The following USP47 variants were observed in gnomAD, a reference collection of about 807,000 sequenced individuals.
USP47 encodes ubiquitin specific peptidase 47.
A neutral mutation model predicts 165.1 loss-of-function variants in USP47; 35 were observed. That is an observed-to-expected ratio of 0.21 (90% CI 0.16 to 0.28). USP47 has a LOEUF of 0.28. Ranked by LOEUF, USP47 falls within the 10% of genes least tolerant of loss-of-function variation. The pLI, the probability that USP47 is intolerant of heterozygous loss-of-function variation, is 1.00. For synonymous variants in USP47, 531 were observed against 544.5 expected (o/e 0.98, Z 0.35); for missense variants, 1,277 against 1,607.4 (o/e 0.79, Z 3.52).
chr11:11,885,860 C>G (rs901965069), intron 3 of USP47, among the ~76,000 whole-genome samples: 3 of 152,134 alleles, frequency 2.0e-5, no homozygotes. Context: ...TCAGGACCCC[C>G]TGGGACAGAG....
chr11:11,881,518 T>C (rs1339278579), intron 2 of USP47, among the ~76,000 whole-genome samples: 1 of 152,152 alleles, frequency 6.6e-6, no homozygotes. Flanking sequence ...AGTCTTCTCT[T>C]ATAGGATCTT....
At chr11:11,879,921 G>A (rs1400532039) in intron 1 of USP47, among the ~76,000 whole-genome samples, 1 of 151,990 alleles carries the variant, frequency 6.6e-6, no homozygotes, top group East Asian at 1.9e-4. Flanking sequence ...AAAGGTGAAA[G>A]CAAATATCTC....
intron 4 of USP47, among the ~76,000 whole-genome samples, chr11:11,895,127 A>G (rs1428071548): frequency 6.6e-6 from 1 of 152,162 alleles, no homozygotes; most frequent in Non-Finnish European, 1.5e-5. Context: ...ATTCTTATAC[A>G]TACATTTTTG....
At chr11:11,843,148 G>A (rs187184469) in intron 1 of USP47, among the ~76,000 whole-genome samples, 2 of 152,302 alleles carry the variant, frequency 1.3e-5, no homozygotes, top group African/African-American at 4.8e-5. Context: ...GAAATTAACT[G>A]TGTGCGATCT....
intron 1 of USP47, among the ~76,000 whole-genome samples, chr11:11,847,723 C>A (rs1590215933): frequency 1.3e-5 from 2 of 152,154 alleles, no homozygotes; most frequent in African/African-American, 4.8e-5. Flanking sequence ...CAATGTGTAG[C>A]CTTTCTAATT....
intron 14 of USP47, among the ~76,000 whole-genome samples, chr11:11,931,379 A>G (rs1313719274): frequency 6.6e-6 from 1 of 152,184 alleles, no homozygotes; most frequent in African/African-American, 2.4e-5. Flanking sequence ...GATCTGTCAT[A>G]TAGTAATGTT....
rs1301527573 is a variant in USP47 at position 11,880,253 on chromosome 11, G to A, written c.116G>A (p.Arg39Gln). 1.2e-5 allele frequency: 18 copies of A among 1,457,220 alleles called. No individual in the cohort carries two copies. The highest frequency in any genetic ancestry group is 2.8e-5 in the Admixed American group (1 of 35,430). 90.3% of individuals were successfully genotyped at this position (1,457,220 alleles called of 1,614,324 possible). A position where few individuals can be genotyped will look rare whatever the true frequency, so the allele number is the denominator to read the frequency against. ...ACTAATTCAAAGACAGTGAATGAACGGATCACTTTAAATTTACCAGCATCT... is the reference window on the plus strand; with the variant it reads ...ACTAATTCAAAGACAGTGAATGAACAGATCACTTTAAATTTACCAGCATCT... ...DTTNSKTVNERITLNLPASTP... is the reference protein window; with the variant it reads ...DTTNSKTVNEQITLNLPASTP... Residue 39 changes from arginine to glutamine, a missense_variant, in exon 2 of 28, where the codon CGG (arginine) becomes CAG (glutamine). Transcript: ENST00000527733.
At chr11:11,911,275 G>A (rs1409261031) in intron 8 of USP47, among the ~76,000 whole-genome samples, 2 of 152,120 alleles carry the variant, frequency 1.3e-5, no homozygotes, top group Non-Finnish European at 2.9e-5. Context: ...AATACTGGAA[G>A]GAGAGCAAAG....
intron 11 of USP47, among the ~76,000 whole-genome samples, chr11:11,926,884 T>A (rs1463419337): frequency 6.6e-6 from 1 of 151,552 alleles, no homozygotes; most frequent in Non-Finnish European, 1.5e-5. Flanking sequence ...AGTTTTGGTA[T>A]GTTATGTTTT....
rs572525716 is a variant in USP47, at chr11:11,873,227, T to C, written c.40-6950T>C. Among the ~76,000 whole-genome samples, 7 of 152,266 alleles carry C rather than the reference T, an allele frequency of 4.6e-5. No homozygotes were observed. The South Asian group carries it at 1.0e-3, about 23-fold the overall frequency. ...GAAGAAGGGAGAATAAGACAAAATA[T>C]GTACAGAAAAAGTGTAGAGTGATGT... On this transcript the variant is annotated intron_variant, in intron 1 of 27. Coordinates refer to ENST00000527733, the MANE Select transcript of USP47 (RefSeq NM_001282659.2).
At chr11:11,861,950 A>G (rs1459049669) in intron 1 of USP47, among the ~76,000 whole-genome samples, 3 of 152,244 alleles carry the variant, frequency 2.0e-5, no homozygotes, top group African/African-American at 7.2e-5. Context: ...CAGAATTTGT[A>G]TTTAACTAGA....
intron 8 of USP47, among the ~76,000 whole-genome samples, chr11:11,910,159 A>C (rs1852858779): frequency 6.6e-6 from 1 of 152,168 alleles, no homozygotes; most frequent in African/African-American, 2.4e-5. Context: ...CTCCCACTAA[A>C]ACAACTGAAA....
At position 11,947,981 on chromosome 11, in the gene USP47, C is replaced by A. The variant is rs1249257534; in HGVS notation, c.3128C>A (p.Ala1043Glu). 1 of 1,612,762 alleles carries A rather than the reference C, an allele frequency of 6.2e-7. No homozygotes were observed. Among genetic ancestry groups the A allele is most frequent in the Admixed American group, 1.7e-5 (1 of 59,796 alleles). Reference protein sequence around the residue: ...MVHVDKRITLAAFKQHLEPFV... With the variant: ...MVHVDKRITLEAFKQHLEPFV... The stretch of plus-strand genomic sequence containing the variant: ...CATGTTGATAAAAGAATTACTCTGG[C>A]AGCTTTCAAACAACATTTAGAGCCC... The change falls in exon 21 of 28, where the codon GCA becomes GAA. Residue 1043 changes from alanine (A) to glutamate (E), a missense_variant. By Grantham distance (107) the Ala-to-Glu change is moderately radical. Transcript: ENST00000527733.
At chr11:11,870,323 A>G (rs1236014780) in intron 1 of USP47, among the ~76,000 whole-genome samples, 4 of 151,636 alleles carry the variant, frequency 2.6e-5, no homozygotes, top group Admixed American at 1.3e-4. Flanking sequence ...ATTGTGTTAA[A>G]TATTTTCTTG....
chr11:11,853,895 G>A (rs1405754998), intron 1 of USP47, among the ~76,000 whole-genome samples: 1 of 151,994 alleles, frequency 6.6e-6, no homozygotes. Context: ...GGGAGGCCGA[G>A]ATGGGTGGAT....
chr11:11,943,098 G>A lies in USP47; in HGVS notation c.3077G>A (p.Gly1026Glu). ...CCTTATGCTGCAGATGAAGGTTCTG[G>A]GGAAGGACATAAATGTATGTACTTC... ...AEPYAADEGS[G>E]EGHKWLMVHV... The change falls in exon 20 of 28, where the codon GGG becomes GAG. Residue 1026 changes from glycine to glutamate, a missense_variant. Transcript: ENST00000527733. The A allele has an allele frequency of 1.2e-6, 2 of 1,610,980 alleles. No individual in the cohort carries two copies. The highest frequency in any genetic ancestry group is 1.7e-6 in the Non-Finnish European group (2 of 1,178,668).
rs952601708 is a variant in USP47 at position 11,948,600 on chromosome 11, A to G, written c.3348+42A>G. 2.7e-6 allele frequency: 4 copies of G among 1,494,046 alleles called. No homozygotes were observed. In the African/African-American group the frequency reaches 5.6e-5, roughly 21 times the overall value. 92.5% of individuals were successfully genotyped at this position (1,494,046 alleles called of 1,614,324 possible). On this transcript the variant is annotated intron_variant, in intron 22 of 27. Transcript: ENST00000527733. ...AGAATAATATAAGGTTACTTTTTACAGTTACTGAAAACATAGAATATATTT... is the reference window on the plus strand; with the variant it reads ...AGAATAATATAAGGTTACTTTTTACGGTTACTGAAAACATAGAATATATTT...
rs554311063 is a variant in USP47, at chr11:11,938,469, C to G, written c.2193+97C>G. 26 of 818,298 alleles carry G rather than the reference C, an allele frequency of 3.2e-5. No individual in the cohort carries two copies. In the African/African-American group the frequency reaches 4.0e-4, roughly 13 times the overall value. The allele number at this position is 818,298 out of a possible 1,614,324, so 50.7% of individuals were successfully genotyped here. On this transcript the variant is annotated intron_variant, in intron 18 of 27. Coordinates refer to ENST00000527733, the MANE Select transcript of USP47 (RefSeq NM_001282659.2). ...TATGAATAAGATACATGCTTTACCTCCAGGAGCTAATTAATATTTGTAGTT... is the reference window on the plus strand; with the variant it reads ...TATGAATAAGATACATGCTTTACCTGCAGGAGCTAATTAATATTTGTAGTT...
rs779688348 is a variant in USP47, at chr11:11,859,435, TTTC to T, written c.39+17217_39+17219del. Among the ~76,000 whole-genome samples, 4 of 152,308 alleles carry T rather than the reference TTTC, an allele frequency of 2.6e-5. No individual in the cohort carries two copies. The South Asian group carries it at 6.2e-4, about 24-fold the overall frequency. On this transcript the variant is annotated intron_variant, in intron 1 of 27. Transcript: ENST00000527733. Reference sequence around the variant, plus strand: ...TTAGTTGCTTAACCTTTCTGGTATTTTTCTTCTTTCATTTGTTAAATGAAGGAG... The same window carrying T: ...TTAGTTGCTTAACCTTTCTGGTATTTTTCTTTCATTTGTTAAATGAAGGAG...
Sources: gnomAD v4.1 joint callset for allele counts (sites outside exome capture counted in the v4.1 genomes callset) on GRCh38, gnomAD v4.1.1 for gene constraint, MANE v1.5 for transcripts, NCBI Gene and HGNC (gene_info 2026-07-23, HGNC 2026-07-21) for gene names.